The following KCNQ3 variants were observed in gnomAD, a reference collection of about 807,000 sequenced individuals.
KCNQ3 encodes the protein potassium voltage-gated channel subfamily KQT member 3.
In KCNQ3, 30 loss-of-function variants were observed where a neutral mutation model predicts 92.5. The observed-to-expected ratio is 0.32, with a 90% CI of 0.24 to 0.44. The LOEUF is 0.44. Ranked by LOEUF, KCNQ3 falls within the 20% of genes least tolerant of loss-of-function variation. The probability of loss-of-function intolerance (pLI) is 1.00; values close to 1 mark genes in which losing one functional copy is unlikely to be tolerated. For synonymous variants in KCNQ3, 450 were observed against 468.8 expected (o/e 0.96, Z 0.52); for missense variants, 913 against 1,140.3 (o/e 0.80, Z 2.87).
intron 4 of KCNQ3, among the ~76,000 whole-genome samples, chr8:132,178,883 G>C (rs1205051463): frequency 6.6e-6 from 1 of 150,410 alleles, no homozygotes; most frequent in Non-Finnish European, 1.5e-5. Flanking sequence ...CCCAAGAAAG[G>C]GATTTCAGTG....
chr8:132,466,226 A>G lies in KCNQ3; in HGVS notation c.386+13921T>C, dbSNP rs369329669. Among the ~76,000 whole-genome samples the G allele has an allele frequency of 2.0e-5, 3 of 151,894 alleles. No homozygotes were observed. The East Asian group carries it at 5.8e-4, about 29-fold the overall frequency. ...GACAACCCTAACTGAAAAATTAATG[A>G]GGGGGAAAAAACACTAGAGAATCAT... On this transcript the variant is annotated intron_variant, in intron 1 of 14. Transcript: ENST00000388996.
In KCNQ3 at chr8:132,138,186, T is replaced by C. The variant is rs140841994; in HGVS notation, c.1569-170A>G. On this transcript the variant is annotated intron_variant, in intron 11 of 14. Coordinates refer to ENST00000388996, the MANE Select transcript of KCNQ3 (RefSeq NM_004519.4). The stretch of plus-strand genomic sequence containing the variant: ...GTTCTACCCCTTGGAACACACAGAG[T>C]TAGTACATCTCCATCAGGATTACTC... Among the ~76,000 whole-genome samples, 1,459 of 152,236 alleles carry C rather than the reference T, an allele frequency of 9.6e-3. 25 individuals carry two copies. Among genetic ancestry groups the C allele is most frequent in the African/African-American group, 0.034 (1,402 of 41,526 alleles).
intron 1 of KCNQ3, among the ~76,000 whole-genome samples, chr8:132,451,542 G>T (rs1277570887): frequency 6.6e-6 from 1 of 152,206 alleles, no homozygotes; most frequent in African/African-American, 2.4e-5. Context: ...GAAATCAGTA[G>T]GTGCTCACTA....
rs1032188303 is a variant in KCNQ3, at chr8:132,184,161, C to A, written c.604+80G>T. On this transcript the variant is annotated intron_variant, in intron 3 of 14. Transcript: ENST00000388996. Reference sequence around the variant, plus strand: ...AGTGCCGCGTGATTTCCCAGAATAGCTGCTTAAACTTTTCTCAGAGAAACA... The same window carrying A: ...AGTGCCGCGTGATTTCCCAGAATAGATGCTTAAACTTTTCTCAGAGAAACA... 5.1e-6 allele frequency: 8 copies of A among 1,576,168 alleles called. No homozygotes were observed. In the African/African-American group the frequency reaches 9.4e-5, roughly 19 times the overall value.
At chr8:132,323,517 C>T (rs912858713) in intron 1 of KCNQ3, among the ~76,000 whole-genome samples, 1 of 152,198 alleles carries the variant, frequency 6.6e-6, no homozygotes, top group African/African-American at 2.4e-5. Context: ...TTTGACATGA[C>T]TTGACATGTC....
At chr8:132,155,566 T>C (rs1825776315) in intron 9 of KCNQ3, among the ~76,000 whole-genome samples, 1 of 152,170 alleles carries the variant, frequency 6.6e-6, no homozygotes. Context: ...ATAACCATCA[T>C]ATAGATGAGG....
At chr8:132,236,930 AGG>A (rs772321762) in intron 1 of KCNQ3, among the ~76,000 whole-genome samples, 2 of 152,248 alleles carry the variant, frequency 1.3e-5, no homozygotes, top group African/African-American at 2.4e-5. Flanking sequence ...ACAGCCAGCA[AGG>A]AAACAGAGAC....
intron 1 of KCNQ3, among the ~76,000 whole-genome samples, chr8:132,387,953 GAGAAGAAGA>G (rs796693357): frequency 4.0e-5 from 6 of 150,478 alleles, no homozygotes; most frequent in African/African-American, 1.2e-4. Context: ...GAAGAAGAAG[GAGAAGAAGA>G]AGAAGAAGGA....
chr8:132,186,362 C>T (rs1452949786), intron 1 of KCNQ3, among the ~76,000 whole-genome samples, 181 bp from the exon 2 acceptor site: 1 of 152,202 alleles, frequency 6.6e-6, no homozygotes, highest in Non-Finnish European at 1.5e-5. Context: ...AAACAATCAT[C>T]CCAGTTAAAT....
In KCNQ3 at chr8:132,223,186, AG is replaced by A. The variant is rs568218894; in HGVS notation, c.387-37006del. Reference sequence around the variant, plus strand: ...AAGGAGGGAAGAAAGGATGGAAGAAAGGAAGAAAGGAAGGATGGAAAAGATA... The same window carrying A: ...AAGGAGGGAAGAAAGGATGGAAGAAAGAAGAAAGGAAGGATGGAAAAGATA... On this transcript the variant is annotated intron_variant, in intron 1 of 14. Transcript: ENST00000388996. Among the ~76,000 whole-genome samples, 23 of 148,716 alleles carry A rather than the reference AG, an allele frequency of 1.5e-4. 1 individual carries two copies. The South Asian group carries it at 4.6e-3, about 30-fold the overall frequency.
chr8:132,409,802 T>A (rs939596457), intron 1 of KCNQ3, among the ~76,000 whole-genome samples: 1 of 152,230 alleles, frequency 6.6e-6, no homozygotes, highest in Non-Finnish European at 1.5e-5. Flanking sequence ...GACAGTTGGA[T>A]ATGCAGCCCC....
At chr8:132,359,590 C>T (rs1437342622) in intron 1 of KCNQ3, among the ~76,000 whole-genome samples, 4 of 152,156 alleles carry the variant, frequency 2.6e-5, no homozygotes, top group Non-Finnish European at 5.9e-5. Context: ...TGCTTACACA[C>T]TCCAGAAAGA....
chr8:132,312,829 A>G (rs968717420), intron 1 of KCNQ3, among the ~76,000 whole-genome samples: 3 of 152,206 alleles, frequency 2.0e-5, no homozygotes, highest in Non-Finnish European at 4.4e-5. Context: ...CTCTCCAGCC[A>G]TGTGGAACTG....
intron 1 of KCNQ3, among the ~76,000 whole-genome samples, chr8:132,247,224 G>A (rs1207000626): frequency 1.3e-5 from 2 of 152,116 alleles, no homozygotes; most frequent in Non-Finnish European, 2.9e-5. Flanking sequence ...CTGACCTTTA[G>A]TAATGTCTAT....
chr8:132,133,066 T>C lies in KCNQ3; in HGVS notation c.1800-802A>G, dbSNP rs118174151. ...TGTGCTAAATCCAGCTGGCTAGTGTTTTCTTTGGCCTGCACGGGGTTTTAA... is the reference window on the plus strand; with the variant it reads ...TGTGCTAAATCCAGCTGGCTAGTGTCTTCTTTGGCCTGCACGGGGTTTTAA... On this transcript the variant is annotated intron_variant, in intron 13 of 14. Coordinates refer to ENST00000388996, the MANE Select transcript of KCNQ3 (RefSeq NM_004519.4). Among the ~76,000 whole-genome samples the C allele has an allele frequency of 1.1e-3, 163 of 152,308 alleles. 2 individuals carry two copies. In the East Asian group the frequency reaches 0.029, roughly 27 times the overall value.
At chr8:132,357,139 A>G (rs1223501688) in intron 1 of KCNQ3, among the ~76,000 whole-genome samples, 1 of 152,222 alleles carries the variant, frequency 6.6e-6, no homozygotes, top group African/African-American at 2.4e-5. Context: ...AGAGAATACC[A>G]TGCTACTCAC....
chr8:132,341,182 A>T (rs1818517116), intron 1 of KCNQ3, among the ~76,000 whole-genome samples: 2 of 152,234 alleles, frequency 1.3e-5, no homozygotes, highest in Non-Finnish European at 2.9e-5. Context: ...CAAAGCGTCA[A>T]ACACTGAGGA....
Position 132,172,590 on chromosome 8 carries a change from A to G in KCNQ3, c.1140+8T>C. 2 of 1,612,018 alleles carry G rather than the reference A, an allele frequency of 1.2e-6. No individual in the cohort carries two copies. Among genetic ancestry groups the G allele is most frequent in the Middle Eastern group, 1.7e-4 (1 of 6,060 alleles). On this transcript the variant is annotated splice_region_variant and intron_variant, in intron 7 of 14. Coordinates refer to ENST00000388996, the MANE Select transcript of KCNQ3 (RefSeq NM_004519.4). ...ATCCCATTCCAGTTCATTCCCAGGC[A>G]GACAGACCTGAATGAGCTCAGCAGC...
chr8:132,154,411 G>A (rs961250351), intron 9 of KCNQ3, among the ~76,000 whole-genome samples: 2 of 151,852 alleles, frequency 1.3e-5, no homozygotes, highest in East Asian at 1.9e-4. Context: ...GCCCCTTCTC[G>A]TGGGAACCCT....
Sources: allele counts gnomAD v4.1 joint callset (sites outside exome capture counted in the v4.1 genomes callset), GRCh38; gene constraint gnomAD v4.1.1; transcripts MANE v1.5; gene names NCBI Gene and HGNC (gene_info 2026-07-23, HGNC 2026-07-21).